The following ZSWIM6 variants were observed in gnomAD, a reference collection of about 807,000 sequenced individuals.
ZSWIM6 encodes the protein zinc finger SWIM-type containing 6, also known as zinc finger SWIM domain-containing protein 6.
A neutral mutation model predicts 113.2 loss-of-function variants in ZSWIM6; 9 were observed. The ratio of observed to expected loss-of-function variants is 0.08; its 90% CI spans 0.05 to 0.14. The LOEUF (loss-of-function observed/expected upper bound fraction) is 0.14. ZSWIM6 is among the 10% of genes least tolerant of loss of function. The pLI, the probability that ZSWIM6 is intolerant of heterozygous loss-of-function variation, is 1.00. For missense variants in ZSWIM6, 1,162 were observed against 1,552.2 expected, an observed-to-expected ratio of 0.75 and a Z score of 4.22; for synonymous variants, 611 against 606.5, an observed-to-expected ratio of 1.01 and a Z score of -0.11.
chr5:61,436,788 C>T (rs577033034), intron 1 of ZSWIM6, among the ~76,000 whole-genome samples: 2 of 152,258 alleles, frequency 1.3e-5, no homozygotes, highest in Admixed American at 1.3e-4. Flanking sequence ...GGTTCTTGCT[C>T]CTCAGAAATA....
rs1265054707 is a variant in ZSWIM6, at chr5:61,543,163, A to G, written c.2786-292A>G. 6.6e-6 allele frequency among the ~76,000 whole-genome samples: 1 copy of G among 152,224 alleles called. No homozygotes were observed. The highest frequency in any genetic ancestry group is 1.5e-5 in the Non-Finnish European group (1 of 68,042). On this transcript the variant is annotated intron_variant, in intron 13 of 13. Transcript: ENST00000252744. The surrounding 1 kb of genome is among the most constrained non-coding windows in gnomAD (Gnocchi z 4.3). ...CCCCAGTGAAGTAGAACTCATTAGCAAAAAGCCATTGTCTGAAATGGCAAG... is the reference window on the plus strand; with the variant it reads ...CCCCAGTGAAGTAGAACTCATTAGCGAAAAGCCATTGTCTGAAATGGCAAG...
intron 1 of ZSWIM6, among the ~76,000 whole-genome samples, chr5:61,334,064 A>T (rs1375629519): frequency 6.6e-6 from 1 of 152,228 alleles, no homozygotes; most frequent in Non-Finnish European, 1.5e-5. Context: ...GAAACCAAAC[A>T]AAAGAGTCTC....
chr5:61,386,048 T>C (rs899452619), intron 1 of ZSWIM6, among the ~76,000 whole-genome samples: 4 of 152,202 alleles, frequency 2.6e-5, no homozygotes, highest in Non-Finnish European at 5.9e-5. Flanking sequence ...ATGGGAAATA[T>C]TTGAGGCCTA....
intron 1 of ZSWIM6, among the ~76,000 whole-genome samples, chr5:61,379,460 TGTG>T (rs1745435025): frequency 6.6e-6 from 1 of 152,168 alleles, no homozygotes; most frequent in Non-Finnish European, 1.5e-5. Flanking sequence ...GGGATTTACT[TGTG>T]GTCGAGTAAT....
intron 1 of ZSWIM6, among the ~76,000 whole-genome samples, chr5:61,438,249 T>G (rs549405515): frequency 9.9e-5 from 15 of 152,200 alleles, no homozygotes; most frequent in Non-Finnish European, 1.9e-4. Context: ...AATATGACAT[T>G]TAACATAAGT....
At chr5:61,385,409 G>A (rs963426736) in intron 1 of ZSWIM6, among the ~76,000 whole-genome samples, 2 of 152,190 alleles carry the variant, frequency 1.3e-5, no homozygotes, top group South Asian at 2.1e-4. Context: ...ATTTCAGGGC[G>A]GCATGATAAA....
At chr5:61,524,953 A>C (rs540615675) in intron 5 of ZSWIM6, among the ~76,000 whole-genome samples, 2 of 152,340 alleles carry the variant, frequency 1.3e-5, no homozygotes, top group South Asian at 4.1e-4. Flanking sequence ...TTAGGAATTG[A>C]ATAATCCCAG....
intron 5 of ZSWIM6, among the ~76,000 whole-genome samples, chr5:61,523,460 T>C (rs1295091019): frequency 6.6e-6 from 1 of 152,206 alleles, no homozygotes; most frequent in Non-Finnish European, 1.5e-5. Flanking sequence ...AATTTTATAA[T>C]TTTTTTAGTA....
intron 1 of ZSWIM6, among the ~76,000 whole-genome samples, chr5:61,378,366 G>T (rs1745412158): frequency 6.6e-6 from 1 of 152,168 alleles, no homozygotes; most frequent in Non-Finnish European, 1.5e-5. Flanking sequence ...GGGGAAAAAA[G>T]TAAAACTCCA....
intron 1 of ZSWIM6, among the ~76,000 whole-genome samples, chr5:61,458,696 G>A (rs1747261569): frequency 6.6e-6 from 1 of 151,882 alleles, no homozygotes; most frequent in Non-Finnish European, 1.5e-5. Flanking sequence ...TGGACAACAT[G>A]GAGAAACCCC....
intron 2 of ZSWIM6, among the ~76,000 whole-genome samples, chr5:61,489,677 T>C (rs1437768681): frequency 6.6e-6 from 1 of 152,050 alleles, no homozygotes; most frequent in Non-Finnish European, 1.5e-5. Flanking sequence ...AAGTTGTAGA[T>C]TCAGTGAGGA....
intron 1 of ZSWIM6, among the ~76,000 whole-genome samples, chr5:61,467,874 TCA>T (rs1747471008): frequency 6.6e-6 from 1 of 152,188 alleles, no homozygotes; most frequent in African/African-American, 2.4e-5. Flanking sequence ...TGAGACATTC[TCA>T]GTGATCCCTC....
chr5:61,497,257 T>A (rs953185147), intron 4 of ZSWIM6, among the ~76,000 whole-genome samples: 4 of 152,188 alleles, frequency 2.6e-5, no homozygotes, highest in Non-Finnish European at 4.4e-5. Context: ...ATCTTTTTCA[T>A]ATGGCCCAGT....
At position 61,470,595 on chromosome 5, in the gene ZSWIM6, A is replaced by G. The variant is rs186129269; in HGVS notation, c.677-2086A>G. 4.6e-5 allele frequency among the ~76,000 whole-genome samples: 7 copies of G among 152,258 alleles called. No homozygotes were observed. In the East Asian group the frequency reaches 7.7e-4, roughly 17 times the overall value. Reference sequence around the variant, plus strand: ...ATTTAAAAATTTTAGAATATATACTATGTACTCTTTCTTTAATTGTGGTTT... The same window carrying G: ...ATTTAAAAATTTTAGAATATATACTGTGTACTCTTTCTTTAATTGTGGTTT... On this transcript the variant is annotated intron_variant, in intron 1 of 13. Transcript: ENST00000252744.
chr5:61,470,901 C>A (rs1747554045), intron 1 of ZSWIM6, among the ~76,000 whole-genome samples: 1 of 152,160 alleles, frequency 6.6e-6, no homozygotes, highest in Non-Finnish European at 1.5e-5. Flanking sequence ...TTAGGAGTAG[C>A]ATTTCTTTCA....
intron 1 of ZSWIM6, among the ~76,000 whole-genome samples, chr5:61,427,735 C>T (rs1002816791): frequency 6.6e-6 from 1 of 152,050 alleles, no homozygotes; most frequent in African/African-American, 2.4e-5. Context: ...CCTGCTTTAG[C>T]CTCCCAAAGT....
intron 1 of ZSWIM6, among the ~76,000 whole-genome samples, chr5:61,460,996 T>G (rs1277806311): frequency 6.6e-6 from 1 of 152,206 alleles, no homozygotes; most frequent in Non-Finnish European, 1.5e-5. Context: ...CAAAAAGATA[T>G]AATGCCCTAA....
intron 1 of ZSWIM6, among the ~76,000 whole-genome samples, chr5:61,459,131 A>C: frequency 6.6e-6 from 1 of 152,230 alleles, no homozygotes; most frequent in East Asian, 1.9e-4. Context: ...GAAGTCAAAA[A>C]TTTGGCAGTG....
chr5:61,435,631 G>C (rs7709645), intron 1 of ZSWIM6, among the ~76,000 whole-genome samples: 89,545 of 152,082 alleles, frequency 0.59, 28,989 homozygotes, highest in African/African-American at 0.87. Flanking sequence ...AACAGATGTG[G>C]TTTTGCTTTA....
Sources: gnomAD v4.1 joint callset for allele counts (sites outside exome capture counted in the v4.1 genomes callset) on GRCh38, gnomAD v4.1.1 for gene constraint, Gnocchi (gnomAD v3.1) non-coding constraint, MANE v1.5 for transcripts, NCBI Gene and HGNC (gene_info 2026-07-23, HGNC 2026-07-21) for gene names.